Variants in HYDIN observed in about 807,000 individuals in gnomAD.
HYDIN encodes axonemal central pair apparatus protein HYDIN.
In HYDIN, 132 loss-of-function variants were observed where a neutral mutation model predicts 403.9. That is an observed-to-expected ratio of 0.33 (90% confidence interval 0.28 to 0.38). HYDIN has a LOEUF of 0.38. Among genes scored for constraint, HYDIN ranks in the 10% least tolerant of loss-of-function variants. HYDIN has a pLI of 1.00. For missense variants in HYDIN, 2,827 were observed against 5,009.5 expected (o/e 0.56, Z 13.15); for synonymous variants, 1,202 against 1,891.7 (o/e 0.64, Z 9.46).
chr16:70,888,731 G>A (rs560223156), intron 58 of HYDIN, among the ~76,000 whole-genome samples: 4 of 152,250 alleles, frequency 2.6e-5, no homozygotes, highest in Non-Finnish European at 5.9e-5. Context: ...GACCTTCTCC[G>A]ACGCCACCCT....
chr16:71,203,674 C>T (rs754933254), intron 1 of HYDIN: 3 of 451,774 alleles, frequency 6.6e-6, no homozygotes, highest in Non-Finnish European at 1.3e-5. Flanking sequence ...ATTCCATACA[C>T]AAATTATTCT....
chr16:71,169,076 T>C (rs1567402110), intron 5 of HYDIN, among the ~76,000 whole-genome samples: 2 of 152,188 alleles, frequency 1.3e-5, no homozygotes, highest in Non-Finnish European at 2.9e-5. Flanking sequence ...TGCAGCATTA[T>C]TCACGATAGC....
intron 7 of HYDIN, among the ~76,000 whole-genome samples, chr16:71,146,257 A>C (rs1471396993): frequency 6.6e-6 from 1 of 151,258 alleles, no homozygotes; most frequent in African/African-American, 2.4e-5. Context: ...TGATACAGTG[A>C]CCCAAATCTA....
At chr16:71,219,933 G>A (rs1453572421) in intron 1 of HYDIN, among the ~76,000 whole-genome samples, 5 of 152,102 alleles carry the variant, frequency 3.3e-5, no homozygotes, top group African/African-American at 1.2e-4. Flanking sequence ...ATGAGTTGTC[G>A]TTTCACTTTT....
chr16:71,077,642 T>A (rs972001269), intron 13 of HYDIN, among the ~76,000 whole-genome samples: 1 of 151,998 alleles, frequency 6.6e-6, no homozygotes, highest in African/African-American at 2.4e-5. Flanking sequence ...TGTTATATGA[T>A]AGCTTGAGAA....
At chr16:70,934,569 T>C (rs1349069309) in intron 45 of HYDIN, among the ~76,000 whole-genome samples, 1 of 152,102 alleles carries the variant, frequency 6.6e-6, no homozygotes, top group Non-Finnish European at 1.5e-5. Context: ...TTCTTCAGCT[T>C]AAGTGTTTTC....
Position 70,883,849 on chromosome 16 carries a change from G to C in HYDIN, c.9979+71C>G, listed in dbSNP as rs557272391. Reference sequence around the variant, plus strand: ...GCCTCCCAAAGTGCTGGGATCACAAGCGTGAGCCACTGCACCAGGTCTCAG... The same window carrying C: ...GCCTCCCAAAGTGCTGGGATCACAACCGTGAGCCACTGCACCAGGTCTCAG... On this transcript the variant is annotated intron_variant, in intron 59 of 85. Transcript: ENST00000393567. 1.0e-4 allele frequency: 158 copies of C among 1,536,660 alleles called. 1 individual carries two copies. In the African/African-American group the frequency reaches 2.1e-3, roughly 20 times the overall value.
At chr16:70,855,629 C>T (rs1045628028) in intron 72 of HYDIN, among the ~76,000 whole-genome samples, 6 of 152,188 alleles carry the variant, frequency 3.9e-5, no homozygotes, top group Non-Finnish European at 8.8e-5. Context: ...CCCTTAACTG[C>T]CCATGTATCT....
chr16:71,018,842 G>A (rs1380568046), intron 22 of HYDIN, among the ~76,000 whole-genome samples: 6 of 146,468 alleles, frequency 4.1e-5, no homozygotes, highest in South Asian at 2.1e-4. Flanking sequence ...AATAAATTTC[G>A]TTGTGAAATG....
At chr16:70,950,480 A>G (rs937134608) in intron 41 of HYDIN, among the ~76,000 whole-genome samples, 22 of 151,314 alleles carry the variant, frequency 1.5e-4, no homozygotes, top group African/African-American at 5.4e-4. Context: ...CTGGCCTTGA[A>G]CTCCTGGCCT....
At chr16:71,081,523 G>A (rs923927978) in intron 12 of HYDIN, among the ~76,000 whole-genome samples, 2 of 152,032 alleles carry the variant, frequency 1.3e-5, no homozygotes, top group South Asian at 2.1e-4. Flanking sequence ...AAAAGTGTCC[G>A]ACATGCGCAA....
intron 41 of HYDIN, among the ~76,000 whole-genome samples, chr16:70,950,852 C>A (rs1317661938): frequency 2.0e-5 from 3 of 152,144 alleles, no homozygotes; most frequent in Admixed American, 6.5e-5. Flanking sequence ...AGCTCTCTTG[C>A]CCCTCGTTAT....
chr16:71,029,732 T>C (rs879384991), intron 19 of HYDIN, among the ~76,000 whole-genome samples: 66 of 150,326 alleles, frequency 4.4e-4, no homozygotes, highest in Non-Finnish European at 7.7e-4. Context: ...GCTTTTTACT[T>C]AATTTTCTAC....
intron 13 of HYDIN, among the ~76,000 whole-genome samples, chr16:71,076,221 A>T (rs2082623219): frequency 6.6e-6 from 1 of 151,926 alleles, no homozygotes; most frequent in South Asian, 2.1e-4. Flanking sequence ...ATTAATTTTA[A>T]CAACATAGTG....
At chr16:71,207,319 C>A (rs2088351786) in intron 1 of HYDIN, among the ~76,000 whole-genome samples, 1 of 152,144 alleles carries the variant, frequency 6.6e-6, no homozygotes, top group African/African-American at 2.4e-5. Flanking sequence ...TTCATATCTG[C>A]TCAAACTAAA....
chr16:71,057,565 C>T (rs1396227725), intron 18 of HYDIN, among the ~76,000 whole-genome samples: 8 of 151,912 alleles, frequency 5.3e-5, no homozygotes, highest in Non-Finnish European at 7.4e-5. Flanking sequence ...AATAATTTGA[C>T]GGTAGGCAGA....
chr16:71,051,776 G>C (rs2081658455), intron 18 of HYDIN, among the ~76,000 whole-genome samples: 1 of 152,144 alleles, frequency 6.6e-6, no homozygotes, highest in Non-Finnish European at 1.5e-5. Context: ...AATGCAATGA[G>C]TCAGGAAAAA....
At chr16:70,984,508 T>C (rs1345999175) in intron 28 of HYDIN, among the ~76,000 whole-genome samples, 1 of 145,160 alleles carries the variant, frequency 6.9e-6, no homozygotes, top group Non-Finnish European at 1.5e-5. Context: ...GCAGCTAAAA[T>C]AGTACAGTAT....
At chr16:70,842,802 A>G (rs1172912068) in intron 75 of HYDIN, among the ~76,000 whole-genome samples, 1 of 151,934 alleles carries the variant, frequency 6.6e-6, no homozygotes, top group African/African-American at 2.4e-5. Flanking sequence ...ACAAATCACT[A>G]GTCAATTATG....
Sources: gnomAD v4.1 joint callset for allele counts (sites outside exome capture counted in the v4.1 genomes callset) on GRCh38, gnomAD v4.1.1 for gene constraint, MANE v1.5 for transcripts, NCBI Gene and HGNC (gene_info 2026-07-23, HGNC 2026-07-21) for gene names.